The following TDRD3 variants were observed in gnomAD, a reference collection of about 807,000 sequenced individuals.
TDRD3 encodes tudor domain-containing protein 3.
TDRD3 carries 45 observed loss-of-function variants against 86.7 expected under a neutral mutation model. The observed-to-expected ratio is 0.52, with a 90% CI of 0.41 to 0.67. The LOEUF is 0.67. Among genes scored for constraint, TDRD3 ranks in the 30% least tolerant of loss-of-function variants. TDRD3 has a pLI of 0.00. For synonymous variants in TDRD3, 298 were observed against 301.7 expected, an observed-to-expected ratio of 0.99 and a Z score of 0.13; for missense variants, 814 against 889.0, an observed-to-expected ratio of 0.92 and a Z score of 1.07.
At chr13:60,416,260 G>T (rs1405596384) in intron 1 of TDRD3, among the ~76,000 whole-genome samples, 1 of 151,990 alleles carries the variant, frequency 6.6e-6, no homozygotes, top group Middle Eastern at 3.4e-3. Flanking sequence ...TCATAATATA[G>T]TTCTTAGTCT....
intron 13 of TDRD3, among the ~76,000 whole-genome samples, chr13:60,570,316 A>G (rs940898021): frequency 6.6e-6 from 1 of 152,234 alleles, no homozygotes; most frequent in African/African-American, 2.4e-5. Context: ...AAAATACTCA[A>G]CATCATTAAT....
chr13:60,456,896 A>G lies in TDRD3; in HGVS notation c.193-3484A>G, dbSNP rs537347503. Among the ~76,000 whole-genome samples the G allele has an allele frequency of 8.5e-5, 13 of 152,052 alleles. No homozygotes were observed. The South Asian group carries it at 1.9e-3, about 22-fold the overall frequency. ...TTTTTTGTAGAGATGGGGTCTCCCTATGTTGCCCAGGCTGGTCTCAAACTC... is the reference window on the plus strand; with the variant it reads ...TTTTTTGTAGAGATGGGGTCTCCCTGTGTTGCCCAGGCTGGTCTCAAACTC... On this transcript the variant is annotated intron_variant, in intron 3 of 13. Transcript: ENST00000377881.
chr13:60,481,589 T>C (rs1405187350), intron 5 of TDRD3, among the ~76,000 whole-genome samples: 1 of 152,074 alleles, frequency 6.6e-6, no homozygotes, highest in East Asian at 1.9e-4. Flanking sequence ...TTATAGAAGT[T>C]CCATTTGGTT....
chr13:60,479,488 G>A (rs955546738), intron 5 of TDRD3, among the ~76,000 whole-genome samples: 6 of 152,182 alleles, frequency 3.9e-5, no homozygotes, highest in Non-Finnish European at 7.3e-5. Flanking sequence ...TTGGGCAGAG[G>A]ATTCTGCATA....
At chr13:60,493,668 A>G (rs1956651441) in intron 7 of TDRD3, among the ~76,000 whole-genome samples, 1 of 152,198 alleles carries the variant, frequency 6.6e-6, no homozygotes, top group Non-Finnish European at 1.5e-5. Context: ...CTCAAAAAAC[A>G]AAAACAAAAT....
chr13:60,526,634 A>T (rs1320876319), intron 10 of TDRD3, among the ~76,000 whole-genome samples: 2 of 140,576 alleles, frequency 1.4e-5, no homozygotes. Context: ...TTTTTTTTTT[A>T]AAGATCTCTC....
chr13:60,429,092 C>G (rs527274156), intron 1 of TDRD3, among the ~76,000 whole-genome samples: 38 of 152,256 alleles, frequency 2.5e-4, no homozygotes, highest in African/African-American at 8.4e-4. Flanking sequence ...ATTACTAATT[C>G]ATATTTATCA....
intron 12 of TDRD3, among the ~76,000 whole-genome samples, chr13:60,563,755 T>C (rs925795159): frequency 3.5e-4 from 54 of 152,364 alleles, no homozygotes; most frequent in African/African-American, 1.3e-3. Flanking sequence ...TATTTAAGTG[T>C]GTTTCATACT....
intron 10 of TDRD3, among the ~76,000 whole-genome samples, chr13:60,512,218 T>C (rs1595049618): frequency 6.6e-6 from 1 of 152,080 alleles, no homozygotes; most frequent in East Asian, 1.9e-4. Context: ...GAAACCCTTA[T>C]AAAGCCATCA....
intron 11 of TDRD3, 116 bp downstream of exon 11, chr13:60,529,333 T>C: frequency 1.7e-6 from 2 of 1,161,308 alleles, no homozygotes; most frequent in Non-Finnish European, 2.3e-6. Flanking sequence ...TGTACCTGTT[T>C]AAAATCTTTG....
intron 5 of TDRD3, among the ~76,000 whole-genome samples, chr13:60,469,354 A>G (rs527828642): frequency 6.6e-6 from 1 of 152,022 alleles, no homozygotes; most frequent in Admixed American, 6.6e-5. Context: ...ATTTTCCCAC[A>G]ACCCAGTCCC....
chr13:60,521,191 G>A (rs1465246104), intron 10 of TDRD3, among the ~76,000 whole-genome samples: 2 of 152,154 alleles, frequency 1.3e-5, no homozygotes, highest in South Asian at 2.1e-4. Flanking sequence ...TCCTAAAGAA[G>A]TAAAAGTAAA....
At position 60,528,671 on chromosome 13, in the gene TDRD3, T is replaced by C; in HGVS notation, c.1446T>C (p.Asp482=). The change falls in exon 11 of 14, where the codon GAT becomes GAC. Residue 482 remains aspartate (D), a synonymous_variant. Transcript: ENST00000377881. The stretch of plus-strand genomic sequence containing the variant: ...ATTCTAGATATGACAGAACTAAAGA[T>C]ACTTCATATCCTTTAGGTTCTCAGC... ...RPYSRYDRTK[D]TSYPLGSQHS... 6.2e-7 allele frequency: 1 copy of C among 1,613,882 alleles called. No homozygotes were observed. The highest frequency in any genetic ancestry group is 8.5e-7 in the Non-Finnish European group (1 of 1,179,822).
At chr13:60,512,394 A>T (rs1957079501) in intron 10 of TDRD3, among the ~76,000 whole-genome samples, 1 of 152,018 alleles carries the variant, frequency 6.6e-6, no homozygotes, top group African/African-American at 2.4e-5. Context: ...CCCCTCCCAA[A>T]TATCATGTCC....
chr13:60,514,829 T>G (rs1282736476), intron 10 of TDRD3, among the ~76,000 whole-genome samples: 1 of 152,134 alleles, frequency 6.6e-6, no homozygotes, highest in Non-Finnish European at 1.5e-5. Flanking sequence ...TTTTGGTGCT[T>G]TAAGAAAAAA....
chr13:60,546,682 G>T (rs1957947061), intron 12 of TDRD3, among the ~76,000 whole-genome samples: 1 of 152,106 alleles, frequency 6.6e-6, no homozygotes, highest in South Asian at 2.1e-4. Flanking sequence ...CCAGGCTGCA[G>T]GTAGATTTGG....
At chr13:60,523,985 G>C (rs1036277828) in intron 10 of TDRD3, among the ~76,000 whole-genome samples, 1 of 150,086 alleles carries the variant, frequency 6.7e-6, no homozygotes, top group African/African-American at 2.5e-5. Context: ...CTTTTCCTTT[G>C]GGGTGATTTA....
intron 3 of TDRD3, among the ~76,000 whole-genome samples, chr13:60,456,056 TGA>T (rs1184380928): frequency 1.7e-5 from 2 of 119,304 alleles, no homozygotes; most frequent in African/African-American, 6.3e-5. Flanking sequence ...GGTGACAGAG[TGA>T]GACTATGTCT....
chr13:60,473,020 T>A (rs1956104679), intron 5 of TDRD3, among the ~76,000 whole-genome samples: 1 of 152,230 alleles, frequency 6.6e-6, no homozygotes, highest in Non-Finnish European at 1.5e-5. Flanking sequence ...TACTCCATTT[T>A]CTGCTGCTAT....
Sources: gnomAD v4.1 joint callset for allele counts (sites outside exome capture counted in the v4.1 genomes callset) on GRCh38, gnomAD v4.1.1 for gene constraint, MANE v1.5 for transcripts, NCBI Gene and HGNC (gene_info 2026-07-23, HGNC 2026-07-21) for gene names.